PTPRJ: variants seen among roughly 807,000 people sequenced by gnomAD.
PTPRJ encodes the protein receptor-type tyrosine-protein phosphatase eta.
In PTPRJ, 129 loss-of-function variants were observed where a neutral mutation model predicts 141.3. The observed-to-expected ratio is 0.91, with a 90% CI of 0.79 to 1.06. PTPRJ has a LOEUF of 1.06. PTPRJ is among the 50% of genes least tolerant of loss of function. The pLI is 0.00. For missense variants in PTPRJ, 1,601 were observed against 1,679.7 expected (o/e 0.95, Z 0.82); for synonymous variants, 610 against 640.5 (o/e 0.95, Z 0.72).
rs771268736 is a variant in PTPRJ at position 48,163,638 on chromosome 11, C to T, written c.3719+20C>T. 2.5e-5 allele frequency: 40 copies of T among 1,600,328 alleles called. No individual in the cohort carries two copies. The highest frequency in any genetic ancestry group is 1.1e-4 in the South Asian group (10 of 90,734). ...TTGCAGGTACGCAGATGGCACGTCA[C>T]GTGTGACAGATTTCAAATGTCATTA... On this transcript the variant is annotated intron_variant, in intron 23 of 24. Coordinates refer to ENST00000418331, the MANE Select transcript of PTPRJ (RefSeq NM_002843.4).
chr11:48,064,971 C>T (rs1855046252), intron 1 of PTPRJ, among the ~76,000 whole-genome samples: 1 of 149,482 alleles, frequency 6.7e-6, no homozygotes, highest in South Asian at 2.1e-4. Flanking sequence ...CTCCACAGCA[C>T]CAGTGGGGCT....
chr11:48,106,483 G>A (rs1856290564), intron 1 of PTPRJ, among the ~76,000 whole-genome samples: 1 of 152,186 alleles, frequency 6.6e-6, no homozygotes, highest in Admixed American at 6.5e-5. Context: ...GGTGTGCTGG[G>A]CAAGGAAACA....
At chr11:48,145,720 A>G (rs1048266944) in intron 14 of PTPRJ, among the ~76,000 whole-genome samples, 2 of 151,756 alleles carry the variant, frequency 1.3e-5, no homozygotes, top group African/African-American at 4.8e-5. Context: ...TACCATGCCC[A>G]GCTAATTTTT....
chr11:48,056,280 A>T (rs987110238), intron 1 of PTPRJ, among the ~76,000 whole-genome samples: 1 of 152,234 alleles, frequency 6.6e-6, no homozygotes, highest in South Asian at 2.1e-4. Flanking sequence ...CAGATAATCC[A>T]TAAGACCCTA....
At chr11:48,032,722 G>A (rs187641728) in intron 1 of PTPRJ, among the ~76,000 whole-genome samples, 10 of 152,290 alleles carry the variant, frequency 6.6e-5, no homozygotes, top group African/African-American at 2.4e-4. Flanking sequence ...TCATGCCATT[G>A]CACTCCATCC....
chr11:48,164,228 A>C (rs555311993), intron 23 of PTPRJ, 152 bp from the exon 24 acceptor site: 3 of 927,800 alleles, frequency 3.2e-6, no homozygotes, highest in Non-Finnish European at 4.7e-6. Context: ...TGACTTGCTG[A>C]GGCTTCAACT....
chr11:48,087,663 G>A (rs1445467069), intron 1 of PTPRJ, among the ~76,000 whole-genome samples: 3 of 152,222 alleles, frequency 2.0e-5, no homozygotes, highest in Non-Finnish European at 2.9e-5. Flanking sequence ...ACCCATAGAC[G>A]ATGGTCATGA....
At chr11:48,099,141 G>A (rs1856089614) in intron 1 of PTPRJ, among the ~76,000 whole-genome samples, 2 of 152,192 alleles carry the variant, frequency 1.3e-5, no homozygotes, top group African/African-American at 4.8e-5. Flanking sequence ...TAGACCACAT[G>A]GTCCCTGCTC....
rs61914737 is a variant in PTPRJ at position 48,072,089 on chromosome 11, C to T, written c.97-37969C>T. ...CCTGGCTAATTTTTGTATTTTTGTA[C>T]AGACGGGGTTTCACCATGTTGGCCA... On this transcript the variant is annotated intron_variant, in intron 1 of 24. Transcript: ENST00000418331. 2.8e-3 allele frequency among the ~76,000 whole-genome samples: 423 copies of T among 151,096 alleles called. 1 individual carries two copies. Among genetic ancestry groups the T allele is most frequent in the Middle Eastern group, 6.8e-3 (2 of 292 alleles).
At chr11:48,149,522 T>C (rs1192533388) in intron 16 of PTPRJ, 34 bp downstream of exon 16, 1 of 1,337,678 alleles carries the variant, frequency 7.5e-7, no homozygotes, top group African/African-American at 1.5e-5. Flanking sequence ...TTATTTTAAA[T>C]CCTCCAATCT....
intron 1 of PTPRJ, among the ~76,000 whole-genome samples, chr11:48,012,988 G>A (rs1017340999): frequency 7.9e-5 from 12 of 151,364 alleles, no homozygotes; most frequent in Admixed American, 7.3e-4. Flanking sequence ...GCCTGTAATC[G>A]TAGCTACTTG....
intron 1 of PTPRJ, among the ~76,000 whole-genome samples, chr11:48,103,381 C>A (rs2134315800): frequency 6.6e-6 from 1 of 152,248 alleles, no homozygotes; most frequent in East Asian, 1.9e-4. Context: ...ATCGCTTGAG[C>A]CCAGGAGTTT....
At position 48,110,216 on chromosome 11, in the gene PTPRJ, T is replaced by TTTTTCTTTTC; in HGVS notation, c.115+144_115+145insCTTTTCTTTT. The TTTTTCTTTTC allele has an allele frequency of 7.5e-6, 7 of 933,026 alleles. No homozygotes were observed. In the South Asian group the frequency reaches 1.4e-4, roughly 18 times the overall value. 57.8% of individuals were successfully genotyped at this position (933,026 alleles called of 1,614,324 possible). A position where few individuals can be genotyped will look rare whatever the true frequency, so the allele number is the denominator to read the frequency against. On this transcript the variant is annotated intron_variant, in intron 2 of 24. Coordinates refer to ENST00000418331, the MANE Select transcript of PTPRJ (RefSeq NM_002843.4). The stretch of plus-strand genomic sequence containing the variant: ...AATTTTTCTTTTTCTTTTTCTTTTC[T>TTTTTCTTTTC]TTTTTTTTGAGTTGGAGCCTCGCTC...
At chr11:48,010,927 G>A (rs1286422493) in intron 1 of PTPRJ, among the ~76,000 whole-genome samples, 1 of 151,924 alleles carries the variant, frequency 6.6e-6, no homozygotes, top group Non-Finnish European at 1.5e-5. Flanking sequence ...TCATCCTTCC[G>A]CTTCAGCCAA....
intron 8 of PTPRJ, among the ~76,000 whole-genome samples, chr11:48,133,389 C>A (rs964500872): frequency 5.9e-5 from 9 of 152,060 alleles, no homozygotes; most frequent in Non-Finnish European, 1.0e-4. Context: ...ATTTTAACAC[C>A]TGCCTGGAAT....
rs1279693019 is a variant in PTPRJ, at chr11:48,158,974, GAAAAC to G, written c.3439-950_3439-946del. On this transcript the variant is annotated intron_variant, in intron 21 of 24. Transcript: ENST00000418331. This position sits in a 1 kb window ranked among gnomAD's most constrained non-coding sequence, Gnocchi z 4.4. ...CAAACAAACACACAAACAAAAAACA[GAAAAC>G]AAAACCCAAAACAACTCAAACTTCT... 3.9e-5 allele frequency among the ~76,000 whole-genome samples: 6 copies of G among 151,982 alleles called. No homozygotes were observed. Among genetic ancestry groups the G allele is most frequent in the Non-Finnish European group, 8.8e-5 (6 of 67,994 alleles).
chr11:48,039,657 T>C (rs1376958132), intron 1 of PTPRJ, among the ~76,000 whole-genome samples: 2 of 152,222 alleles, frequency 1.3e-5, no homozygotes, highest in Non-Finnish European at 2.9e-5. Flanking sequence ...CTACTGGACA[T>C]GGTCTCTGTG....
rs2134369166 is a variant in PTPRJ at position 48,144,655 on chromosome 11, C to A, written c.2576-20C>A. On this transcript the variant is annotated intron_variant, in intron 12 of 24. Transcript: ENST00000418331. ...CTGCCATCACTTTCTTATGATTCTC[C>A]TTCTGTGTACCTTTCTTAGCTGGTC... 6.3e-7 allele frequency: 1 copy of A among 1,590,178 alleles called. No homozygotes were observed. The highest frequency in any genetic ancestry group is 2.2e-5 in the East Asian group (1 of 44,712).
In PTPRJ at chr11:48,168,790, G is replaced by A. The variant is rs1417106171; in HGVS notation, c.*1428G>A. ...AAATTTATGTGGATTTATTTTATTG[G>A]TACATAATCTGTAAACTTCTTAAGG... is the stretch of plus-strand genomic sequence containing the variant. On this transcript the variant is annotated 3_prime_UTR_variant, in exon 25 of 25. Coordinates refer to ENST00000418331, the MANE Select transcript of PTPRJ (RefSeq NM_002843.4). 2 of 147,658 alleles carry A rather than the reference G, an allele frequency of 1.4e-5. No homozygotes were observed. Among genetic ancestry groups the A allele is most frequent in the South Asian group, 2.2e-4 (1 of 4,632 alleles). The allele number at this position is 147,658 out of a possible 1,614,324, so 9.1% of individuals were successfully genotyped here.
Sources: gnomAD v4.1 joint callset for allele counts (sites outside exome capture counted in the v4.1 genomes callset) on GRCh38, gnomAD v4.1.1 for gene constraint, Gnocchi (gnomAD v3.1) non-coding constraint, MANE v1.5 for transcripts, NCBI Gene and HGNC (gene_info 2026-07-23, HGNC 2026-07-21) for gene names.